FAAH2: variants seen among roughly 807,000 people sequenced by gnomAD.
The protein encoded by FAAH2 is fatty acid amide hydrolase 2, also known as fatty-acid amide hydrolase 2.
FAAH2 carries 60 observed loss-of-function variants against 36.9 expected under a neutral mutation model. The observed-to-expected ratio is 1.63, with a 90% CI of 1.32 to 2.02. FAAH2 has a LOEUF of 2.02. FAAH2 is among the 30% of genes most tolerant of loss of function. FAAH2 has a pLI of 0.00. For missense variants in FAAH2, 689 were observed against 397.5 expected (o/e 1.73, Z -6.23); for synonymous variants, 214 against 143.8 (o/e 1.49, Z -3.49).
At chrX:57,129,066 A>C in the FAAH2 span, among the ~76,000 whole-genome samples, 1 of 112,207 alleles carries the variant, frequency 8.9e-6, no homozygotes, top group African/African-American at 3.2e-5. Context: ...AGTGGAAACA[A>C]GCTTCTTGCC....
intron 7 of FAAH2, among the ~76,000 whole-genome samples, chrX:57,411,635 G>A (rs753701772): frequency 5.4e-5 from 6 of 111,875 alleles, no homozygotes; most frequent in Non-Finnish European, 1.1e-4. Context: ...GATGTACTCT[G>A]TTTTGAGTGG....
At chrX:57,243,187 C>A in the FAAH2 span, among the ~76,000 whole-genome samples, 1 of 112,105 alleles carries the variant, frequency 8.9e-6, no homozygotes, top group Non-Finnish European at 1.9e-5. Flanking sequence ...CCACTGTAGC[C>A]AGACTGCCTC....
chrX:57,139,459 C>CTTGT, the FAAH2 span, among the ~76,000 whole-genome samples: 1 of 110,956 alleles, frequency 9.0e-6, no homozygotes, highest in African/African-American at 3.3e-5. Flanking sequence ...TTTTTGTTTG[C>CTTGT]TTGTTTGTTT....
the FAAH2 span, among the ~76,000 whole-genome samples, chrX:57,200,428 G>C: frequency 4.8e-5 from 5 of 104,316 alleles, no homozygotes; most frequent in Admixed American, 2.1e-4. Flanking sequence ...CACCAGGCTG[G>C]AGTGCAATGG....
At chrX:57,310,222 C>T (rs2052653825) in intron 2 of FAAH2, among the ~76,000 whole-genome samples, 2 of 112,084 alleles carry the variant, frequency 1.8e-5, no homozygotes, top group Admixed American at 1.9e-4. Context: ...GCATAAATGA[C>T]TTCTTTTGAG....
At chrX:57,165,143 G>T in the FAAH2 span, among the ~76,000 whole-genome samples, 1 of 112,442 alleles carries the variant, frequency 8.9e-6, no homozygotes, top group African/African-American at 3.2e-5. Context: ...GATTCCTCAT[G>T]GATCTAGAAC....
chrX:57,324,022 G>A (rs1302715744), intron 3 of FAAH2, among the ~76,000 whole-genome samples: 1 of 111,728 alleles, frequency 9.0e-6, no homozygotes, highest in Non-Finnish European at 1.9e-5. Context: ...TTTGTATAAG[G>A]TGTAAGGAAG....
intron 5 of FAAH2, among the ~76,000 whole-genome samples, chrX:57,358,956 G>A (rs1376913935): frequency 1.8e-5 from 2 of 110,761 alleles, no homozygotes; most frequent in Admixed American, 1.9e-4. Flanking sequence ...TTTTGATACA[G>A]GCATAAAATG....
chrX:57,447,655 A>C (rs750220695), intron 9 of FAAH2, among the ~76,000 whole-genome samples: 1 of 112,324 alleles, frequency 8.9e-6, no homozygotes, highest in Non-Finnish European at 1.9e-5. Context: ...CCTCTGAAGC[A>C]ATTACCTGAG....
At position 57,375,647 on chromosome X, in the gene FAAH2, T is replaced by C. The variant is rs143630078; in HGVS notation, c.743-3004T>C. Among the ~76,000 whole-genome samples the C allele has an allele frequency of 5.4e-5, 6 of 111,177 alleles. No individual in the cohort carries two copies. The East Asian group carries it at 1.4e-3, about 26-fold the overall frequency. ...AATCTTGCAACTTGTTGTAATATCATAGACAATGGTTTGGAAGAATTATTA... is the reference window on the plus strand; with the variant it reads ...AATCTTGCAACTTGTTGTAATATCACAGACAATGGTTTGGAAGAATTATTA... On this transcript the variant is annotated intron_variant, in intron 5 of 10. Coordinates refer to ENST00000374900, the MANE Select transcript of FAAH2 (RefSeq NM_174912.4).
intron 8 of FAAH2, 72 bp from the exon 9 acceptor site, chrX:57,446,845 ATATATAAGTCT>A: frequency 1.8e-6 from 1 of 558,540 alleles, no homozygotes; most frequent in African/African-American, 2.3e-5. Flanking sequence ...ATGATTATTC[ATATATAAGTCT>A]TGTATAGGTG....
At chrX:57,166,154 C>T in the FAAH2 span, among the ~76,000 whole-genome samples, 1 of 109,711 alleles carries the variant, frequency 9.1e-6, no homozygotes. Flanking sequence ...CTCTGAGCGG[C>T]CTGACCCCAG....
intron 10 of FAAH2, among the ~76,000 whole-genome samples, chrX:57,486,205 G>A (rs1244731363): frequency 9.0e-6 from 1 of 111,724 alleles, no homozygotes; most frequent in East Asian, 2.8e-4. Context: ...GAGGTCTCTG[G>A]GGTTACTGTT....
chrX:57,163,308 CT>C, the FAAH2 span, among the ~76,000 whole-genome samples: 1 of 111,043 alleles, frequency 9.0e-6, no homozygotes, highest in African/African-American at 3.3e-5. Context: ...TTACTGCTGT[CT>C]TTTTTTTTGT....
chrX:57,227,871 C>T, the FAAH2 span, among the ~76,000 whole-genome samples: 4 of 111,040 alleles, frequency 3.6e-5, no homozygotes, highest in Admixed American at 9.5e-5. Context: ...AGTTGTTTAC[C>T]AAGGCAGATT....
the FAAH2 span, among the ~76,000 whole-genome samples, chrX:57,202,235 T>C: frequency 8.9e-6 from 1 of 111,929 alleles, no homozygotes; most frequent in Non-Finnish European, 1.9e-5. Flanking sequence ...AAGTTAAGTA[T>C]TTGTTGCAGT....
chrX:57,130,404 C>T, the FAAH2 span, among the ~76,000 whole-genome samples: 20 of 111,614 alleles, frequency 1.8e-4, 1 homozygote, highest in East Asian at 4.8e-3. Context: ...GAAACAGCAC[C>T]CCTCTCCTTC....
intron 7 of FAAH2, among the ~76,000 whole-genome samples, chrX:57,402,675 T>G (rs921762047): frequency 8.9e-6 from 1 of 111,921 alleles, no homozygotes; most frequent in Non-Finnish European, 1.9e-5. Flanking sequence ...GGAAGTAGGA[T>G]TTTCTTCCTT....
intron 10 of FAAH2, among the ~76,000 whole-genome samples, chrX:57,487,795 A>G (rs950310769): frequency 1.8e-5 from 2 of 112,168 alleles, no homozygotes; most frequent in African/African-American, 6.5e-5. Flanking sequence ...TGCTCAAGAA[A>G]TGAAAATAAA....
Sources: allele counts gnomAD v4.1 joint callset (sites outside exome capture counted in the v4.1 genomes callset), GRCh38; gene constraint gnomAD v4.1.1; transcripts MANE v1.5; gene names NCBI Gene and HGNC (gene_info 2026-07-23, HGNC 2026-07-21).